The following FTCDNL1 variants were observed in gnomAD, a reference collection of about 807,000 sequenced individuals.
The protein encoded by FTCDNL1 is formiminotransferase N-terminal subdomain-containing protein.
FTCDNL1 carries 11 observed loss-of-function variants against 5.9 expected under a neutral mutation model. The ratio of observed to expected loss-of-function variants is 1.87; its 90% CI spans 1.18 to 3.10. The LOEUF is 3.10. Among genes scored for constraint, FTCDNL1 ranks in the 30% most tolerant of loss-of-function variants. FTCDNL1 has a pLI of 0.00. For synonymous variants in FTCDNL1, 58 were observed against 24.8 expected, an observed-to-expected ratio of 2.34 and a Z score of -3.99; for missense variants, 115 against 65.5, an observed-to-expected ratio of 1.76 and a Z score of -2.61.
At chr2:199,842,913 A>G (rs1052309982) in intron 3 of FTCDNL1, among the ~76,000 whole-genome samples, 1 of 151,208 alleles carries the variant, frequency 6.6e-6, no homozygotes, top group Non-Finnish European at 1.5e-5. Flanking sequence ...CTTCTGCCTC[A>G]TAAGAATGCC....
chr2:199,828,328 T>C (rs1702157864), intron 3 of FTCDNL1, among the ~76,000 whole-genome samples: 1 of 152,202 alleles, frequency 6.6e-6, no homozygotes, highest in African/African-American at 2.4e-5. Flanking sequence ...ATCAAGCAAA[T>C]CATATTGGCC....
chr2:199,839,640 A>C (rs1261929775), intron 3 of FTCDNL1, among the ~76,000 whole-genome samples: 1 of 152,182 alleles, frequency 6.6e-6, no homozygotes, highest in Non-Finnish European at 1.5e-5. Context: ...AAAGCACTTC[A>C]GGGAAATTTC....
the FTCDNL1 span, among the ~76,000 whole-genome samples, chr2:199,688,609 G>A: frequency 6.6e-6 from 1 of 152,186 alleles, no homozygotes; most frequent in African/African-American, 2.4e-5. Context: ...AGTGGAGACA[G>A]GCCTGGAGTC....
the FTCDNL1 span, among the ~76,000 whole-genome samples, chr2:199,745,772 G>A: frequency 1.1e-4 from 16 of 152,256 alleles, no homozygotes; most frequent in South Asian, 2.1e-4. Context: ...AACCAGGGTC[G>A]TGACAGTGAA....
intron 3 of FTCDNL1, among the ~76,000 whole-genome samples, chr2:199,827,252 A>G (rs1302469177): frequency 6.6e-6 from 1 of 152,220 alleles, no homozygotes; most frequent in African/African-American, 2.4e-5. Flanking sequence ...AAGCAAACAG[A>G]TCCAGAATGT....
the FTCDNL1 span, among the ~76,000 whole-genome samples, chr2:199,714,570 A>T: frequency 3.4e-3 from 518 of 152,292 alleles, 3 homozygotes; most frequent in African/African-American, 0.012. Flanking sequence ...AGCCACCATC[A>T]TTGCCTACGT....
At chr2:199,719,547 T>C in the FTCDNL1 span, among the ~76,000 whole-genome samples, 6 of 152,232 alleles carry the variant, frequency 3.9e-5, no homozygotes, top group Admixed American at 3.9e-4. Flanking sequence ...GGTTGTTTTT[T>C]CTAATTCTGT....
chr2:199,849,315 A>G (rs1018936559), intron 1 of FTCDNL1, among the ~76,000 whole-genome samples: 11 of 152,192 alleles, frequency 7.2e-5, no homozygotes, highest in Non-Finnish European at 1.6e-4. Context: ...GGTCTGTACT[A>G]TTTTACAAAC....
intron 3 of FTCDNL1, among the ~76,000 whole-genome samples, chr2:199,769,106 T>G (rs1163052257): frequency 6.6e-6 from 1 of 152,182 alleles, no homozygotes; most frequent in African/African-American, 2.4e-5. Context: ...GGTCTCTAGC[T>G]GTATCTCTGT....
At chr2:199,731,302 T>A in the FTCDNL1 span, among the ~76,000 whole-genome samples, 6 of 152,170 alleles carry the variant, frequency 3.9e-5, no homozygotes, top group Non-Finnish European at 7.3e-5. Flanking sequence ...ATGGCACATG[T>A]ATACCAATGT....
chr2:199,759,779 A>G (rs1698195760), downstream of FTCDNL1, among the ~76,000 whole-genome samples: 1 of 152,192 alleles, frequency 6.6e-6, no homozygotes, highest in African/African-American at 2.4e-5. Context: ...ACCTGATAAA[A>G]CCAATTGTTT....
At chr2:199,693,847 G>A in the FTCDNL1 span, among the ~76,000 whole-genome samples, 1 of 152,334 alleles carries the variant, frequency 6.6e-6, no homozygotes, top group African/African-American at 2.4e-5. Flanking sequence ...GTATGGCTGT[G>A]AACCACTGGA....
At chr2:199,736,516 A>G in the FTCDNL1 span, among the ~76,000 whole-genome samples, 1 of 152,228 alleles carries the variant, frequency 6.6e-6, no homozygotes, top group Non-Finnish European at 1.5e-5. Flanking sequence ...ATTCTCCCTT[A>G]AAGGTAGAAA....
chr2:199,831,233 G>A (rs562996488), intron 3 of FTCDNL1, among the ~76,000 whole-genome samples: 1 of 152,128 alleles, frequency 6.6e-6, no homozygotes, highest in Non-Finnish European at 1.5e-5. Flanking sequence ...ATGGAAATGA[G>A]GTCAGGATAA....
chr2:199,713,872 T>A, the FTCDNL1 span, among the ~76,000 whole-genome samples: 1 of 152,316 alleles, frequency 6.6e-6, no homozygotes, highest in East Asian at 1.9e-4. Flanking sequence ...ATGCACAAGT[T>A]CAGTGATGCC....
chr2:199,756,574 C>T (rs769384964), downstream of FTCDNL1, among the ~76,000 whole-genome samples: 4 of 152,224 alleles, frequency 2.6e-5, no homozygotes, highest in Non-Finnish European at 5.9e-5. Context: ...GCAAGCAGCA[C>T]TGCCTAGTTT....
At chr2:199,814,965 C>G (rs750749960) in intron 4 of FTCDNL1, among the ~76,000 whole-genome samples, 7 of 152,130 alleles carry the variant, frequency 4.6e-5, no homozygotes, top group Non-Finnish European at 1.0e-4. Context: ...CCAAGATGTA[C>G]CAATTACCTC....
chr2:199,803,795 T>A (rs932964590), intron 3 of FTCDNL1, among the ~76,000 whole-genome samples: 6 of 152,118 alleles, frequency 3.9e-5, no homozygotes, highest in African/African-American at 1.4e-4. Context: ...AGGGCAGTGG[T>A]ATAAACCTAC....
At chr2:199,746,043 G>A in the FTCDNL1 span, among the ~76,000 whole-genome samples, 3 of 152,104 alleles carry the variant, frequency 2.0e-5, no homozygotes, top group Non-Finnish European at 2.9e-5. Flanking sequence ...GCTTCTTCAA[G>A]GTCAACCAAC....
Sources: allele counts gnomAD v4.1 joint callset (sites outside exome capture counted in the v4.1 genomes callset), GRCh38; gene constraint gnomAD v4.1.1; transcripts MANE v1.5; gene names NCBI Gene and HGNC (gene_info 2026-07-23, HGNC 2026-07-21).